Variants in SPON1 observed in about 807,000 individuals in gnomAD.
SPON1 encodes the protein spondin-1.
In SPON1, 52 loss-of-function variants were observed where a neutral mutation model predicts 111.7. The ratio of observed to expected loss-of-function variants is 0.47; its 90% CI spans 0.37 to 0.59. The LOEUF (loss-of-function observed/expected upper bound fraction) is 0.59, where lower values mean the gene tolerates loss of function less well. Among genes scored for constraint, SPON1 ranks in the 20% least tolerant of loss-of-function variants. The pLI is 0.00. For missense variants in SPON1, 957 were observed against 1,068.5 expected, an observed-to-expected ratio of 0.90 and a Z score of 1.46; for synonymous variants, 410 against 395.8, an observed-to-expected ratio of 1.04 and a Z score of -0.43.
chr11:13,972,904 A>G (rs1055279761), intron 1 of SPON1, among the ~76,000 whole-genome samples: 11 of 152,172 alleles, frequency 7.2e-5, no homozygotes, highest in African/African-American at 2.7e-4. Context: ...TGCTTCAGGC[A>G]TAAATGGGTC....
intron 6 of SPON1, among the ~76,000 whole-genome samples, chr11:14,148,788 C>G (rs1363756904): frequency 6.6e-6 from 1 of 152,218 alleles, no homozygotes; most frequent in Non-Finnish European, 1.5e-5. Flanking sequence ...TGTACTGAAA[C>G]ATTTACTTTT....
chr11:14,248,677 T>C (rs1554940434), intron 7 of SPON1, among the ~76,000 whole-genome samples: 2 of 152,196 alleles, frequency 1.3e-5, no homozygotes, highest in Non-Finnish European at 2.9e-5. Context: ...GAAACAGCCT[T>C]GCCTCTCTTT....
intron 6 of SPON1, among the ~76,000 whole-genome samples, chr11:14,212,703 G>A (rs949023626): frequency 6.6e-6 from 1 of 152,256 alleles, no homozygotes; most frequent in South Asian, 2.1e-4. Context: ...ATATTACACT[G>A]TTCTCTTTCC....
chr11:14,114,825 G>A (rs1192232484), intron 5 of SPON1, among the ~76,000 whole-genome samples: 1 of 152,138 alleles, frequency 6.6e-6, no homozygotes, highest in Admixed American at 6.5e-5. Context: ...CTCAAGGGCA[G>A]GACCCTTGTC....
At chr11:14,199,988 C>A (rs377051666) in intron 6 of SPON1, among the ~76,000 whole-genome samples, 7 of 152,344 alleles carry the variant, frequency 4.6e-5, no homozygotes, top group African/African-American at 1.7e-4. Flanking sequence ...AGAGACCATG[C>A]CCCATGCGTT....
At chr11:14,044,690 A>G (rs1350120373) in intron 3 of SPON1, among the ~76,000 whole-genome samples, 1 of 152,158 alleles carries the variant, frequency 6.6e-6, no homozygotes, top group Admixed American at 6.5e-5. Context: ...AATAGAATCA[A>G]TTTGGTTTGT....
chr11:14,218,966 A>G (rs1454723935), intron 6 of SPON1, among the ~76,000 whole-genome samples: 1 of 152,218 alleles, frequency 6.6e-6, no homozygotes, highest in Non-Finnish European at 1.5e-5. Context: ...CAAAGCACTC[A>G]GTAGGATAGA....
intron 6 of SPON1, 24 bp from the exon 7 acceptor site, chr11:14,243,306 TAA>T (rs1848949247): frequency 6.4e-7 from 1 of 1,564,622 alleles, no homozygotes. Context: ...CTCTGTTCAC[TAA>T]ATATTTGTGG....
rs553427630 is a variant in SPON1 at position 14,084,300 on chromosome 11, C to T, written c.676+4279C>T. Among the ~76,000 whole-genome samples, 22 of 152,218 alleles carry T rather than the reference C, an allele frequency of 1.4e-4. No homozygotes were observed. In the East Asian group the frequency reaches 4.3e-3, roughly 29 times the overall value. On this transcript the variant is annotated intron_variant, in intron 5 of 15. Coordinates refer to ENST00000576479, the MANE Select transcript of SPON1 (RefSeq NM_006108.4). The stretch of plus-strand genomic sequence containing the variant: ...TGTCCTAATGCTCTCCCTCCCCTTG[C>T]CCTGCACTCCCCGACAGGACCAGGT...
chr11:13,977,371 CTGTT>C (rs1346890777), intron 1 of SPON1, among the ~76,000 whole-genome samples: 1 of 152,196 alleles, frequency 6.6e-6, no homozygotes, highest in Non-Finnish European at 1.5e-5. Flanking sequence ...TTTAGCCAAA[CTGTT>C]AGATACGCAG....
chr11:14,032,115 A>G (rs1335263724), intron 2 of SPON1, among the ~76,000 whole-genome samples: 1 of 152,174 alleles, frequency 6.6e-6, no homozygotes, highest in East Asian at 1.9e-4. Flanking sequence ...TTTTATTGGG[A>G]TTGTACATTA....
chr11:14,105,817 CTT>C (rs1418141351), intron 5 of SPON1, among the ~76,000 whole-genome samples: 1 of 152,166 alleles, frequency 6.6e-6, no homozygotes, highest in East Asian at 1.9e-4. Flanking sequence ...GGTCCAAAAA[CTT>C]TATTTCTTGA....
intron 6 of SPON1, among the ~76,000 whole-genome samples, chr11:14,169,592 G>T (rs1357841436): frequency 6.6e-6 from 1 of 151,440 alleles, no homozygotes; most frequent in Non-Finnish European, 1.5e-5. Flanking sequence ...CTCCTGAATG[G>T]TATTGCCTAG....
intron 2 of SPON1, among the ~76,000 whole-genome samples, chr11:14,000,881 C>A (rs1428302920): frequency 1.3e-5 from 2 of 152,124 alleles, no homozygotes; most frequent in African/African-American, 4.8e-5. Context: ...ATAAGCTTGG[C>A]CACTTAATTT....
intron 5 of SPON1, among the ~76,000 whole-genome samples, chr11:14,122,606 C>T (rs1554926616): frequency 6.6e-6 from 1 of 152,150 alleles, no homozygotes; most frequent in Non-Finnish European, 1.5e-5. Context: ...GCCCATTTTT[C>T]TCTGTGCTTC....
intron 7 of SPON1, among the ~76,000 whole-genome samples, chr11:14,250,177 G>GTCT (rs1355803687): frequency 1.3e-5 from 2 of 152,122 alleles, no homozygotes; most frequent in Non-Finnish European, 2.9e-5. Context: ...TTGCCAGCAT[G>GTCT]TCATTTTTCT....
intron 2 of SPON1, among the ~76,000 whole-genome samples, chr11:14,029,626 C>T (rs1848544102): frequency 6.6e-6 from 1 of 152,160 alleles, no homozygotes; most frequent in Admixed American, 6.5e-5. Flanking sequence ...AGGCTCCTCC[C>T]CACTGAACTT....
At position 13,964,983 on chromosome 11, in the gene SPON1, G is replaced by GA. The variant is rs35312135; in HGVS notation, c.238+1853dup. Among the ~76,000 whole-genome samples the GA allele has an allele frequency of 1.9e-3, 282 of 148,858 alleles. 1 individual carries two copies. The highest frequency in any genetic ancestry group is 6.2e-3 in the African/African-American group (251 of 40,620). On this transcript the variant is annotated intron_variant, in intron 1 of 15. Transcript: ENST00000576479. ...TTTCTCTGCACCTATTTCCTAGCTG[G>GA]AAAAAAAAAAAAGCTGTTTATCCAC...
chr11:14,214,651 G>A (rs1848608779), intron 6 of SPON1, among the ~76,000 whole-genome samples: 1 of 152,196 alleles, frequency 6.6e-6, no homozygotes, highest in African/African-American at 2.4e-5. Flanking sequence ...CAACTGCTAT[G>A]TCAGTCATCA....
Sources: allele counts gnomAD v4.1 joint callset (sites outside exome capture counted in the v4.1 genomes callset), GRCh38; gene constraint gnomAD v4.1.1; transcripts MANE v1.5; gene names NCBI Gene and HGNC (gene_info 2026-07-23, HGNC 2026-07-21).